STPG2: variants seen among roughly 807,000 people sequenced by gnomAD.
The protein encoded by STPG2 is sperm tail PG-rich repeat containing 2.
Under a neutral mutation model 54.2 loss-of-function variants are expected in STPG2, and 56 were observed. That is an observed-to-expected ratio of 1.03 (90% CI 0.83 to 1.29). The LOEUF (loss-of-function observed/expected upper bound fraction) is 1.29, where lower values mean the gene tolerates loss of function less well. STPG2 is among the 50% of genes most tolerant of loss of function. The probability of loss-of-function intolerance (pLI) is 0.00; values close to 1 mark genes in which losing one functional copy is unlikely to be tolerated. For synonymous variants in STPG2, 200 were observed against 181.8 expected, an observed-to-expected ratio of 1.10 and a Z score of -0.81; for missense variants, 596 against 544.9, an observed-to-expected ratio of 1.09 and a Z score of -0.93.
chr4:97,993,509 G>A (rs938436600), intron 5 of STPG2, among the ~76,000 whole-genome samples: 4 of 151,048 alleles, frequency 2.6e-5, no homozygotes, highest in African/African-American at 9.7e-5. Flanking sequence ...TTGCATCTGT[G>A]TTCATCAGGG....
chr4:97,551,520 T>C (rs1731966039), intron 4 of STPG2, among the ~76,000 whole-genome samples: 1 of 152,178 alleles, frequency 6.6e-6, no homozygotes. Context: ...TTCTGATAGA[T>C]TTTACTTAAA....
At chr4:97,576,577 T>A (rs1207141477) in intron 10 of STPG2, among the ~76,000 whole-genome samples, 1 of 152,032 alleles carries the variant, frequency 6.6e-6, no homozygotes, top group Non-Finnish European at 1.5e-5. Context: ...CCTCTACATA[T>A]CATCTAAAGA....
rs1735546718 is a variant in STPG2, at chr4:98,005,376, T to A, written c.613-24058A>T. The stretch of plus-strand genomic sequence containing the variant: ...TCAAGTTGACACTTAGTATTAATCA[T>A]CACATGCTCTAAAGAACAAACAGCT... On this transcript the variant is annotated intron_variant, in intron 5 of 10. Transcript: ENST00000295268. 2.0e-5 allele frequency among the ~76,000 whole-genome samples: 3 copies of A among 152,314 alleles called. No individual in the cohort carries two copies. In the South Asian group the frequency reaches 6.2e-4, roughly 32 times the overall value.
At chr4:97,486,898 A>C (rs1030654250) in intron 4 of STPG2, among the ~76,000 whole-genome samples, 29 of 125,388 alleles carry the variant, frequency 2.3e-4, no homozygotes, top group African/African-American at 9.4e-4. Flanking sequence ...CACACACACA[A>C]TGGAATACTA....
At chr4:97,862,595 C>T (rs1729595782) in intron 8 of STPG2, among the ~76,000 whole-genome samples, 1 of 152,058 alleles carries the variant, frequency 6.6e-6, no homozygotes, top group Non-Finnish European at 1.5e-5. Flanking sequence ...ACCAAGCAGA[C>T]CTAATAGACA....
intron 8 of STPG2, among the ~76,000 whole-genome samples, chr4:97,871,193 G>T (rs572281911): frequency 6.7e-6 from 1 of 150,112 alleles, no homozygotes; most frequent in South Asian, 2.1e-4. Context: ...CTCAATTAAA[G>T]GAAATAATAA....
intron 10 of STPG2, chr4:97,633,581 C>A (rs1302049062): frequency 2.0e-5 from 3 of 152,072 alleles, no homozygotes; most frequent in Non-Finnish European, 4.4e-5. Flanking sequence ...ATCTGAGGTA[C>A]CGGGTTCATC....
chr4:97,761,762 G>T (rs1383272975), intron 9 of STPG2, among the ~76,000 whole-genome samples: 1 of 152,078 alleles, frequency 6.6e-6, no homozygotes, highest in Non-Finnish European at 1.5e-5. Context: ...CTGAAGAAAT[G>T]GAAATGATGA....
At chr4:97,551,787 C>A (rs1237516615) in intron 4 of STPG2, among the ~76,000 whole-genome samples, 1 of 152,134 alleles carries the variant, frequency 6.6e-6, no homozygotes, top group African/African-American at 2.4e-5. Context: ...TTTTCTAGAT[C>A]TCTTTGACAA....
intron 8 of STPG2, among the ~76,000 whole-genome samples, chr4:97,912,527 A>G (rs1050193858): frequency 2.0e-5 from 3 of 152,246 alleles, no homozygotes; most frequent in Admixed American, 1.3e-4. Context: ...TGCACTCACA[A>G]GTATCAATAC....
chr4:98,060,580 G>A (rs1210572797), intron 5 of STPG2, among the ~76,000 whole-genome samples: 1 of 152,084 alleles, frequency 6.6e-6, no homozygotes, highest in Non-Finnish European at 1.5e-5. Context: ...TAAATGGTAT[G>A]GAGTCAAACA....
intron 10 of STPG2, among the ~76,000 whole-genome samples, chr4:97,636,518 AC>A (rs1480479171): frequency 6.7e-6 from 1 of 148,556 alleles, no homozygotes; most frequent in African/African-American, 2.6e-5. Context: ...AAATAGAGAC[AC>A]AAAAAACCCT....
intron 10 of STPG2, among the ~76,000 whole-genome samples, chr4:97,578,076 G>A (rs1732767492): frequency 1.3e-5 from 2 of 149,676 alleles, no homozygotes. Flanking sequence ...TTTACCAAAG[G>A]AAAATAATTT....
intron 8 of STPG2, among the ~76,000 whole-genome samples, chr4:97,895,048 T>G (rs1730906736): frequency 6.6e-6 from 1 of 151,870 alleles, no homozygotes; most frequent in African/African-American, 2.4e-5. Context: ...ATAAGAATAC[T>G]GTGTTTATTT....
At chr4:97,847,034 T>G (rs545884966) in intron 8 of STPG2, among the ~76,000 whole-genome samples, 2 of 152,288 alleles carry the variant, frequency 1.3e-5, no homozygotes, top group African/African-American at 4.8e-5. Flanking sequence ...TGAAGTGACT[T>G]AAGAAGACTT....
At chr4:97,980,242 G>T (rs1734629467) in intron 6 of STPG2, among the ~76,000 whole-genome samples, 2 of 152,110 alleles carry the variant, frequency 1.3e-5, no homozygotes, top group Non-Finnish European at 2.9e-5. Flanking sequence ...ATAATTACAT[G>T]AAACTTTTGG....
At chr4:97,601,764 A>C (rs1160897667) in intron 10 of STPG2, among the ~76,000 whole-genome samples, 3 of 151,962 alleles carry the variant, frequency 2.0e-5, no homozygotes, top group Non-Finnish European at 4.4e-5. Flanking sequence ...TTTCTCCAGA[A>C]TGTTCTTCCT....
chr4:97,534,988 AT>A (rs1236351424), intron 4 of STPG2, among the ~76,000 whole-genome samples: 1 of 152,162 alleles, frequency 6.6e-6, no homozygotes, highest in Non-Finnish European at 1.5e-5. Flanking sequence ...TTTCTATTTG[AT>A]GAATGTAATG....
At position 98,050,524 on chromosome 4, in the gene STPG2, G is replaced by A. The variant is rs566173452; in HGVS notation, c.612+55429C>T. Among the ~76,000 whole-genome samples, 10 of 152,158 alleles carry A rather than the reference G, an allele frequency of 6.6e-5. No individual in the cohort carries two copies. The South Asian group carries it at 2.1e-3, about 32-fold the overall frequency. On this transcript the variant is annotated intron_variant, in intron 5 of 10. Transcript: ENST00000295268. ...TGGCCAGGCTGCTTTTCAGTGAGAA[G>A]GCATCTGACAGAGAGCTCATTACAG...
Sources: gnomAD v4.1 joint callset for allele counts (sites outside exome capture counted in the v4.1 genomes callset) on GRCh38, gnomAD v4.1.1 for gene constraint, MANE v1.5 for transcripts, NCBI Gene and HGNC (gene_info 2026-07-23, HGNC 2026-07-21) for gene names.